SLC10A6: variants seen among roughly 807,000 people sequenced by gnomAD.
The protein encoded by SLC10A6 is sodium-dependent organic anion transporter.
In SLC10A6, 27 loss-of-function variants were observed where a neutral mutation model predicts 30.0. The ratio of observed to expected loss-of-function variants is 0.90; its 90% CI spans 0.66 to 1.24. SLC10A6 has a LOEUF of 1.24. Among genes scored for constraint, SLC10A6 ranks in the 50% most tolerant of loss-of-function variants. The pLI is 0.00. For missense variants in SLC10A6, 439 were observed against 457.0 expected, an observed-to-expected ratio of 0.96 and a Z score of 0.36; for synonymous variants, 166 against 173.8, an observed-to-expected ratio of 0.95 and a Z score of 0.36.
chr4:86,849,066 T>G lies in SLC10A6; in HGVS notation c.50A>C (p.Glu17Ala), dbSNP rs768918958. 1 of 1,614,138 alleles carries G rather than the reference T, an allele frequency of 6.2e-7. No individual in the cohort carries two copies. Among genetic ancestry groups the G allele is most frequent in the Admixed American group, 1.7e-5 (1 of 60,016 alleles). Residue 17 changes from glutamate to alanine, a missense_variant, in exon 1 of 6, where the codon GAG (glutamate) becomes GCG (alanine). Coordinates refer to ENST00000273905, the MANE Select transcript of SLC10A6 (RefSeq NM_197965.3). ...CTCCAGTCCCACTGGCAGCTCCTCC[T>G]CTGAACTGTTGGCAGGGCAGGCTGA... The part of the protein sequence containing the change: ...SSSACPANSS[E>A]EELPVGLEVH...
rs1746409293 is a variant in SLC10A6, at chr4:86,847,408, A to C, written c.377+1331T>G. ...ATGCAAAGAATATCTATCATTTCCC[A>C]GTTAAATAATCAACTTTACTGAATT... On this transcript the variant is annotated intron_variant, in intron 1 of 5. Transcript: ENST00000273905. 3.3e-5 allele frequency among the ~76,000 whole-genome samples: 5 copies of C among 152,218 alleles called. No individual in the cohort carries two copies. The South Asian group carries it at 8.3e-4, about 25-fold the overall frequency.
At chr4:86,845,947 C>T (rs1044896042) in intron 1 of SLC10A6, among the ~76,000 whole-genome samples, 12 of 152,186 alleles carry the variant, frequency 7.9e-5, no homozygotes, top group African/African-American at 2.9e-4. Context: ...ACTGCAAGTG[C>T]ACTGCATGAA....
intron 1 of SLC10A6, among the ~76,000 whole-genome samples, chr4:86,842,820 T>TTGAGA (rs1746318425): frequency 4.0e-5 from 2 of 49,480 alleles, no homozygotes; most frequent in African/African-American, 4.0e-4. Context: ...CTTTCTTTCT[T>TTGAGA]TCTTTCTTTC....
Position 86,833,336 on chromosome 4 carries a change from G to C in SLC10A6, c.466C>G (p.Gln156Glu). 6.2e-7 allele frequency: 1 copy of C among 1,614,004 alleles called. No homozygotes were observed. Among genetic ancestry groups the C allele is most frequent in the Non-Finnish European group, 8.5e-7 (1 of 1,179,892 alleles). ...TTCTGATAAGGAATGGTGAGATTCTGCTGAAGACTCCAGGACCAGGTGTAG... is the reference window on the plus strand; with the variant it reads ...TTCTGATAAGGAATGGTGAGATTCTCCTGAAGACTCCAGGACCAGGTGTAG... ...YLYTWSWSLQQNLTIPYQNIG... is the reference protein window; with the variant it reads ...YLYTWSWSLQENLTIPYQNIG... The change falls in exon 2 of 6, where the codon CAG becomes GAG. Residue 156 changes from glutamine to glutamate, a missense_variant. By Grantham distance (29) the Gln-to-Glu change is conservative. Transcript: ENST00000273905.
rs1392568831 is a variant in SLC10A6, at chr4:86,848,759, A to T, written c.357T>A (p.Val119=). Residue 119 remains valine (V), a synonymous_variant, in exon 1 of 6, where the codon GTT becomes GTA. Coordinates refer to ENST00000273905, the MANE Select transcript of SLC10A6 (RefSeq NM_197965.3). Reference sequence around the variant, plus strand: ...CTTACCTGAGATCCATATCTCCATCAACCCAGAAGGTGAAAATGTTAGAGA... The same window carrying T: ...CTTACCTGAGATCCATATCTCCATCTACCCAGAAGGTGAAAATGTTAGAGA... ...GTISNIFTFW[V]DGDMDLSISM... The T allele has an allele frequency of 1.9e-6, 3 of 1,595,038 alleles. No individual in the cohort carries two copies. The highest frequency in any genetic ancestry group is 2.7e-5 in the African/African-American group (2 of 74,442).
At chr4:86,831,360 A>T (rs994077597) in intron 3 of SLC10A6, among the ~76,000 whole-genome samples, 16 of 152,188 alleles carry the variant, frequency 1.1e-4, no homozygotes, top group African/African-American at 3.4e-4. Context: ...CCGTGACCCC[A>T]GGAATGCTTC....
At chr4:86,838,537 T>C (rs1384216432) in intron 1 of SLC10A6, among the ~76,000 whole-genome samples, 7 of 152,274 alleles carry the variant, frequency 4.6e-5, no homozygotes, top group East Asian at 3.9e-4. Context: ...CAGGTGAACA[T>C]TGGTAAAAAT....
chr4:86,835,691 G>T (rs1460615269), intron 1 of SLC10A6, among the ~76,000 whole-genome samples: 1 of 142,494 alleles, frequency 7.0e-6, no homozygotes, highest in East Asian at 2.0e-4. Flanking sequence ...ACAGAAAGAC[G>T]AAAAGACACA....
intron 3 of SLC10A6, among the ~76,000 whole-genome samples, chr4:86,829,125 T>C (rs1416286181): frequency 1.3e-5 from 2 of 152,076 alleles, no homozygotes; most frequent in Non-Finnish European, 2.9e-5. Context: ...CAAGAAAGCC[T>C]CTTGGTCAGG....
intron 1 of SLC10A6, among the ~76,000 whole-genome samples, chr4:86,841,456 AGGATGT>A (rs1560461488): frequency 6.6e-6 from 1 of 152,220 alleles, no homozygotes; most frequent in African/African-American, 2.4e-5. Flanking sequence ...GCATAAACAG[AGGATGT>A]GGCTAAGTAA....
chr4:86,826,553 T>TAAAC (rs1746004332), intron 4 of SLC10A6, among the ~76,000 whole-genome samples: 1 of 13,854 alleles, frequency 7.2e-5, no homozygotes, highest in Admixed American at 6.3e-4. Flanking sequence ...TCTCAATAAA[T>TAAAC]AAATAAATAA....
chr4:86,826,839 A>C (rs963350027), intron 4 of SLC10A6, among the ~76,000 whole-genome samples: 6 of 152,180 alleles, frequency 3.9e-5, no homozygotes, highest in Non-Finnish European at 8.8e-5. Context: ...TATATGTGGA[A>C]GTGAGGAGAT....
chr4:86,837,294 G>GAAAGAGAAAGA lies in SLC10A6; in HGVS notation c.378-3871_378-3870insTCTTTCTCTTT. On this transcript the variant is annotated intron_variant, in intron 1 of 5. Coordinates refer to ENST00000273905, the MANE Select transcript of SLC10A6 (RefSeq NM_197965.3). ...AAGAAAGAAAGAAAGAAAAAGAAAG[G>GAAAGAGAAAGA]AAGGAAGGAAGGAAGGAAGGAAGGA... 8.7e-5 allele frequency among the ~76,000 whole-genome samples: 6 copies of GAAAGAGAAAGA among 68,778 alleles called. 2 individuals carry two copies. The South Asian group carries it at 2.7e-3, about 31-fold the overall frequency. The allele number at this position is 68,778 out of a possible 152,430, so 45.1% of individuals were successfully genotyped here. A position where few individuals can be genotyped will look rare whatever the true frequency, so the allele number is the denominator to read the frequency against.
At position 86,846,907 on chromosome 4, in the gene SLC10A6, G is replaced by A. The variant is rs564890863; in HGVS notation, c.377+1832C>T. Among the ~76,000 whole-genome samples the A allele has an allele frequency of 4.5e-4, 69 of 152,280 alleles. 1 individual carries two copies. The highest frequency in any genetic ancestry group is 2.1e-4 in the South Asian group (1 of 4,826). On this transcript the variant is annotated intron_variant, in intron 1 of 5. Coordinates refer to ENST00000273905, the MANE Select transcript of SLC10A6 (RefSeq NM_197965.3). Reference sequence around the variant, plus strand: ...GAATTAAAGATAAGAGTTGGCAAAAGAAAGTAAAAGTAGCTTTATCTTTCA... The same window carrying A: ...GAATTAAAGATAAGAGTTGGCAAAAAAAAGTAAAAGTAGCTTTATCTTTCA...
At chr4:86,834,357 C>A (rs1746144619) in intron 1 of SLC10A6, among the ~76,000 whole-genome samples, 1 of 152,170 alleles carries the variant, frequency 6.6e-6, no homozygotes, top group Admixed American at 6.5e-5. Flanking sequence ...GCCAAATAAA[C>A]CTGTTTTATT....
At position 86,828,898 on chromosome 4, in the gene SLC10A6, C is replaced by T. The variant is rs138178135; in HGVS notation, c.586-730G>A. On this transcript the variant is annotated intron_variant, in intron 3 of 5. Coordinates refer to ENST00000273905, the MANE Select transcript of SLC10A6 (RefSeq NM_197965.3). ...GGAAAATCAGGATCTTGGCAAGCTC[C>T]TGTTCATATCATGTAGACAGTAAAC... Among the ~76,000 whole-genome samples the T allele has an allele frequency of 5.5e-3, 839 of 152,202 alleles. 4 individuals carry two copies. The highest frequency in any genetic ancestry group is 8.4e-3 in the Non-Finnish European group (569 of 68,006).
intron 3 of SLC10A6, among the ~76,000 whole-genome samples, chr4:86,831,147 A>G (rs1331440018): frequency 6.6e-6 from 1 of 152,196 alleles, no homozygotes; most frequent in African/African-American, 2.4e-5. Context: ...CTCTTGAATT[A>G]TTTTTAAAAG....
intron 1 of SLC10A6, among the ~76,000 whole-genome samples, chr4:86,844,426 C>G (rs898675950): frequency 5.3e-5 from 8 of 152,190 alleles, no homozygotes; most frequent in African/African-American, 1.7e-4. Flanking sequence ...CCTCCCTTAT[C>G]CATGTCCGCT....
intron 4 of SLC10A6, among the ~76,000 whole-genome samples, chr4:86,827,694 T>G (rs1190781772): frequency 6.6e-6 from 1 of 152,252 alleles, no homozygotes; most frequent in African/African-American, 2.4e-5. Flanking sequence ...TTTTGATGCA[T>G]AGAATTCTTT....
Sources: gnomAD v4.1 joint callset for allele counts (sites outside exome capture counted in the v4.1 genomes callset) on GRCh38, gnomAD v4.1.1 for gene constraint, MANE v1.5 for transcripts, NCBI Gene and HGNC (gene_info 2026-07-23, HGNC 2026-07-21) for gene names.